The following ADAMTS7 variants were observed in gnomAD, a reference collection of about 807,000 sequenced individuals.
ADAMTS7 encodes ADAM metallopeptidase with thrombospondin type 1 motif 7, also known as A disintegrin and metalloproteinase with thrombospondin motifs 7.
Under a neutral mutation model 172.6 loss-of-function variants are expected in ADAMTS7, and 89 were observed. The observed-to-expected ratio is 0.52, with a 90% CI of 0.43 to 0.61. ADAMTS7 has a LOEUF of 0.61. ADAMTS7 is among the 20% of genes least tolerant of loss of function. The pLI is 0.00. For missense variants in ADAMTS7, 1,973 were observed against 2,355.6 expected (o/e 0.84, Z 3.36); for synonymous variants, 885 against 978.4 (o/e 0.90, Z 1.78).
chr15:78,801,144 A>G (rs2055719731), intron 1 of ADAMTS7, among the ~76,000 whole-genome samples: 1 of 152,066 alleles, frequency 6.6e-6, no homozygotes, highest in East Asian at 1.9e-4. Flanking sequence ...AGCCAGAAAG[A>G]TTCATTCAAA....
Position 78,759,511 on chromosome 15 carries a change from C to T in ADAMTS7, c.4971G>A (p.Leu1657=). Residue 1657 remains leucine, a synonymous_variant, in exon 24 of 24, where the codon CTG becomes CTA. Coordinates refer to ENST00000388820, the MANE Select transcript of ADAMTS7 (RefSeq NM_014272.5). ...ETLRLLGRCQ[L]PTIRTQCCRS... is the part of the protein sequence containing the mutation. Reference sequence around the variant, plus strand: ...GGCAGCACTGGGTGCGGATGGTGGGCAGCTGGCAGCGGCCCAGTAGGCGCA... The same window carrying T: ...GGCAGCACTGGGTGCGGATGGTGGGTAGCTGGCAGCGGCCCAGTAGGCGCA... 5 of 1,597,074 alleles carry T rather than the reference C, an allele frequency of 3.1e-6. No individual in the cohort carries two copies. The highest frequency in any genetic ancestry group is 4.2e-6 in the Non-Finnish European group (5 of 1,177,212).
At chr15:78,802,146 C>A (rs1275928337) in intron 1 of ADAMTS7, among the ~76,000 whole-genome samples, 1 of 152,038 alleles carries the variant, frequency 6.6e-6, no homozygotes, top group East Asian at 1.9e-4. Flanking sequence ...CCTTTATATT[C>A]TTTGTTAAAG....
At chr15:78,788,454 T>C in intron 7 of ADAMTS7, 80 bp from the exon 8 acceptor site, 2 of 1,552,788 alleles carry the variant, frequency 1.3e-6, no homozygotes, top group Non-Finnish European at 1.7e-6. Flanking sequence ...ACCCACAAGG[T>C]GCGCAGTCCT....
chr15:78,798,218 C>A, intron 2 of ADAMTS7, 105 bp from the exon 3 acceptor site: 1 of 1,113,664 alleles, frequency 9.0e-7, no homozygotes, highest in Non-Finnish European at 1.2e-6. Flanking sequence ...ACTGCCCACA[C>A]CACCTGTGAC....
intron 23 of ADAMTS7, among the ~76,000 whole-genome samples, chr15:78,759,998 C>G (rs527926385): frequency 1.8e-4 from 28 of 152,248 alleles, no homozygotes; most frequent in African/African-American, 6.0e-4. Flanking sequence ...CCCCGACTCC[C>G]GCCACCGCCC....
At chr15:78,779,287 A>G (rs1183143041) in intron 8 of ADAMTS7, among the ~76,000 whole-genome samples, 1 of 152,064 alleles carries the variant, frequency 6.6e-6, no homozygotes, top group African/African-American at 2.4e-5. Flanking sequence ...CTGGGGGCAT[A>G]CCCTCTCATT....
At chr15:78,807,953 C>T (rs1242543426) in intron 1 of ADAMTS7, among the ~76,000 whole-genome samples, 1 of 151,696 alleles carries the variant, frequency 6.6e-6, no homozygotes, top group East Asian at 1.9e-4. Context: ...CTCCTGGGCT[C>T]ATGCAATCCT....
At chr15:78,786,942 G>C (rs1285251924) in intron 8 of ADAMTS7, among the ~76,000 whole-genome samples, 1 of 151,976 alleles carries the variant, frequency 6.6e-6, no homozygotes, top group African/African-American at 2.4e-5. Flanking sequence ...AAGAGGATGA[G>C]GATCCTCTTC....
chr15:78,782,949 T>C lies in ADAMTS7; in HGVS notation c.1322+5282A>G, dbSNP rs190312850. ...GGCTCTGGCCCAGGAATGGTAGACA[T>C]ACATGAAGGCCCAAGGCAGAAGGAC... On this transcript the variant is annotated intron_variant, in intron 8 of 23. Coordinates refer to ENST00000388820, the MANE Select transcript of ADAMTS7 (RefSeq NM_014272.5). Among the ~76,000 whole-genome samples the C allele has an allele frequency of 5.7e-3, 860 of 151,708 alleles. 1 individual carries two copies. The highest frequency in any genetic ancestry group is 9.4e-3 in the Non-Finnish European group (635 of 67,890).
chr15:78,808,278 C>T (rs1019303479), intron 1 of ADAMTS7, among the ~76,000 whole-genome samples: 4 of 152,118 alleles, frequency 2.6e-5, no homozygotes, highest in African/African-American at 9.7e-5. Context: ...CCTGTGTCAC[C>T]CAGGCTAGAA....
intron 8 of ADAMTS7, among the ~76,000 whole-genome samples, chr15:78,780,325 C>T (rs2622827): frequency 1.4e-4 from 21 of 152,254 alleles, no homozygotes; most frequent in Admixed American, 1.4e-3. Context: ...TCACTCTCAC[C>T]TTGAGACTGC....
intron 19 of ADAMTS7, 160 bp from the exon 20 acceptor site, chr15:78,764,867 C>G: frequency 1.5e-6 from 1 of 679,996 alleles, no homozygotes; most frequent in East Asian, 3.2e-5. Flanking sequence ...TCACCCACCT[C>G]CCAGGAAGAC....
intron 22 of ADAMTS7, 86 bp from the exon 23 acceptor site, chr15:78,762,651 G>A (rs1245889005): frequency 2.0e-5 from 22 of 1,126,518 alleles, no homozygotes; most frequent in Admixed American, 1.1e-4. Flanking sequence ...AGCCGTCCCT[G>A]CGCCCTGTGC....
At chr15:78,767,920 T>A (rs1348011317) in intron 17 of ADAMTS7, among the ~76,000 whole-genome samples, 1 of 149,628 alleles carries the variant, frequency 6.7e-6, no homozygotes, top group East Asian at 2.0e-4. Flanking sequence ...AACCGGGGGT[T>A]GGGGCTTCAG....
intron 8 of ADAMTS7, among the ~76,000 whole-genome samples, chr15:78,781,885 C>G (rs541880608): frequency 8.1e-4 from 123 of 152,346 alleles, no homozygotes; most frequent in African/African-American, 2.9e-3. Context: ...TACTGTGTGG[C>G]AGGCACTGTG....
chr15:78,786,162 T>G lies in ADAMTS7; in HGVS notation c.1322+2069A>C, dbSNP rs531058754. Among the ~76,000 whole-genome samples, 209 of 151,912 alleles carry G rather than the reference T, an allele frequency of 1.4e-3. 1 individual carries two copies. The highest frequency in any genetic ancestry group is 2.4e-3 in the Admixed American group (36 of 15,240). On this transcript the variant is annotated intron_variant, in intron 8 of 23. Transcript: ENST00000388820. ...CCAGGCTTGTCTCGAACTCCTGACC[T>G]CAAGTGATCCACCTGCCTCAGCCTC... is the stretch of plus-strand genomic sequence containing the variant.
intron 9 of ADAMTS7, chr15:78,777,083 C>G (rs2055358556): frequency 3.5e-6 from 2 of 571,644 alleles, no homozygotes. Context: ...CTCTCCCGGC[C>G]CAGCCCCTCC....
intron 23 of ADAMTS7, 68 bp downstream of exon 23, chr15:78,762,335 C>A: frequency 6.7e-6 from 9 of 1,341,060 alleles, no homozygotes; most frequent in Non-Finnish European, 8.7e-6. Context: ...GGTTTGACGA[C>A]CCCATTTCCC....
At position 78,776,248 on chromosome 15, in the gene ADAMTS7, A is replaced by G. The variant is rs2055342675; in HGVS notation, c.1646T>C (p.Ile549Thr). Residue 549 changes from isoleucine (I) to threonine (T), a missense_variant, in exon 11 of 24, where the codon ATC (isoleucine) becomes ACC (threonine). This residue lies in a region of ADAMTS7 where 526 missense variants were observed against 662.9 expected (regional missense o/e 0.79). Coordinates refer to ENST00000388820, the MANE Select transcript of ADAMTS7 (RefSeq NM_014272.5). ...GCCCATGCCACAGCTCCGTGAGCAG[A>G]TGGACCAGGCGCTCCAGCCAGACCA... Reference protein sequence around the residue: ...GGWSGWSAWSICSRSCGMGVQ... With the variant: ...GGWSGWSAWSTCSRSCGMGVQ... The G allele has an allele frequency of 1.2e-6, 2 of 1,611,698 alleles. No individual in the cohort carries two copies. Among genetic ancestry groups the G allele is most frequent in the African/African-American group, 1.3e-5 (1 of 74,990 alleles).
Sources: allele counts gnomAD v4.1 joint callset (sites outside exome capture counted in the v4.1 genomes callset), GRCh38; gene constraint gnomAD v4.1.1; regional missense constraint gnomAD v4.1.1; transcripts MANE v1.5; gene names NCBI Gene and HGNC (gene_info 2026-07-23, HGNC 2026-07-21).